Variants in RORA observed in about 807,000 individuals in gnomAD.
The protein encoded by RORA is RAR related orphan receptor A.
Under a neutral mutation model 69.5 loss-of-function variants are expected in RORA, and 7 were observed. The ratio of observed to expected loss-of-function variants is 0.10; its 90% CI spans 0.06 to 0.19. The LOEUF (loss-of-function observed/expected upper bound fraction) is 0.19. RORA is among the 10% of genes least tolerant of loss of function. RORA has a pLI of 1.00. For missense variants in RORA, 457 were observed against 663.0 expected (o/e 0.69, Z 3.41); for synonymous variants, 261 against 240.8 (o/e 1.08, Z -0.78).
At chr15:60,918,792 G>C (rs1462636281) in intron 1 of RORA, among the ~76,000 whole-genome samples, 9 of 152,154 alleles carry the variant, frequency 5.9e-5, no homozygotes, top group Non-Finnish European at 1.0e-4. Context: ...AGATGTGTGA[G>C]CTTGAGCAAA....
Position 61,049,483 on chromosome 15 carries a change from C to T in RORA, c.166+179570G>A, listed in dbSNP as rs576864364. On this transcript the variant is annotated intron_variant, in intron 1 of 10. Transcript: ENST00000335670. Reference sequence around the variant, plus strand: ...TGCAAAGATGCTACCATAAAAAATACAGTAGGTGGACTTTTGTGAGTCAAC... The same window carrying T: ...TGCAAAGATGCTACCATAAAAAATATAGTAGGTGGACTTTTGTGAGTCAAC... Among the ~76,000 whole-genome samples, 58 of 152,198 alleles carry T rather than the reference C, an allele frequency of 3.8e-4. 1 individual carries two copies. Among genetic ancestry groups the T allele is most frequent in the Non-Finnish European group, 6.6e-4 (45 of 68,004 alleles).
intron 1 of RORA, among the ~76,000 whole-genome samples, chr15:61,090,435 T>C (rs1331622433): frequency 1.3e-5 from 2 of 152,202 alleles, no homozygotes; most frequent in South Asian, 2.1e-4. Flanking sequence ...CCAGCCTCTA[T>C]TGGAGATCCC....
chr15:60,674,728 A>G (rs10519058), intron 2 of RORA, among the ~76,000 whole-genome samples: 29,316 of 152,188 alleles, frequency 0.19, 3,200 homozygotes, highest in African/African-American at 0.29. Context: ...ATTTCCGAAG[A>G]TTCAGAGGCG....
chr15:60,572,488 C>A (rs1276561551), intron 2 of RORA, among the ~76,000 whole-genome samples: 1 of 149,760 alleles, frequency 6.7e-6, no homozygotes, highest in Non-Finnish European at 1.5e-5. Context: ...GATCATCCGG[C>A]TTTTACCATT....
intron 1 of RORA, among the ~76,000 whole-genome samples, chr15:60,936,458 G>T (rs1163075235): frequency 6.6e-6 from 1 of 152,214 alleles, no homozygotes; most frequent in Non-Finnish European, 1.5e-5. Flanking sequence ...TTGCACACCT[G>T]TCACACCTTC....
chr15:60,955,528 T>A (rs1893241378), intron 1 of RORA, among the ~76,000 whole-genome samples: 1 of 152,214 alleles, frequency 6.6e-6, no homozygotes, highest in Admixed American at 6.5e-5. Context: ...TTCATGTCTT[T>A]AAAAATTCCT....
intron 1 of RORA, among the ~76,000 whole-genome samples, chr15:61,165,508 CT>C (rs2079533554): frequency 6.6e-6 from 1 of 152,168 alleles, no homozygotes. Flanking sequence ...AACTCTTTGT[CT>C]TTTTTCTGTA....
At chr15:60,946,153 G>C (rs1179408181) in intron 1 of RORA, among the ~76,000 whole-genome samples, 1 of 152,090 alleles carries the variant, frequency 6.6e-6, no homozygotes, top group East Asian at 1.9e-4. Flanking sequence ...ATTCCGCACA[G>C]CGTCCCCCAC....
intron 2 of RORA, among the ~76,000 whole-genome samples, chr15:60,611,299 T>C (rs1219558228): frequency 6.6e-6 from 1 of 151,910 alleles, no homozygotes; most frequent in Non-Finnish European, 1.5e-5. Context: ...ATATCTTCTG[T>C]CTCTAACCCT....
chr15:61,113,103 T>G (rs562364410), intron 1 of RORA, among the ~76,000 whole-genome samples: 2 of 152,358 alleles, frequency 1.3e-5, no homozygotes, highest in East Asian at 3.9e-4. Flanking sequence ...TGCTGGGCTG[T>G]GCTGCATCTG....
intron 2 of RORA, among the ~76,000 whole-genome samples, chr15:60,538,033 G>A (rs1159381627): frequency 3.9e-5 from 6 of 152,144 alleles, no homozygotes; most frequent in Non-Finnish European, 8.8e-5. Context: ...CCATTTTACA[G>A]ATACGGAAAA....
At chr15:61,145,050 G>A (rs559059094) in intron 1 of RORA, among the ~76,000 whole-genome samples, 257 of 152,152 alleles carry the variant, frequency 1.7e-3, no homozygotes, top group African/African-American at 5.9e-3. Context: ...TCTAAAAGAA[G>A]CCTTTTTTTG....
chr15:60,667,031 A>G (rs2070391665), intron 2 of RORA, among the ~76,000 whole-genome samples: 1 of 152,156 alleles, frequency 6.6e-6, no homozygotes, highest in Non-Finnish European at 1.5e-5. Context: ...TTTATTGTGC[A>G]GGAGCAGGAA....
At chr15:60,550,553 C>A (rs919847442) in intron 2 of RORA, among the ~76,000 whole-genome samples, 4 of 152,210 alleles carry the variant, frequency 2.6e-5, no homozygotes. Flanking sequence ...CAATCCTCCT[C>A]ACTTGGACAT....
chr15:60,813,396 T>C (rs1451691259), intron 1 of RORA, among the ~76,000 whole-genome samples: 1 of 152,178 alleles, frequency 6.6e-6, no homozygotes, highest in Non-Finnish European at 1.5e-5. Flanking sequence ...CTGTGTTTGC[T>C]CACGTCCCAC....
At chr15:61,165,963 A>G (rs948800355) in intron 1 of RORA, among the ~76,000 whole-genome samples, 4 of 152,254 alleles carry the variant, frequency 2.6e-5, no homozygotes, top group African/African-American at 9.6e-5. Flanking sequence ...CCAAGGCCAC[A>G]TAGACCTAAG....
rs2141211098 is a variant in RORA, at chr15:60,488,751, A to C, written c.*8704T>G. The stretch of plus-strand genomic sequence containing the variant: ...ACAGACAGCATATATTTATAGGTAC[A>C]GTATTACTGTTTCCAAACTTGCATG... On this transcript the variant is annotated 3_prime_UTR_variant, in exon 11 of 11. Coordinates refer to ENST00000335670, the MANE Select transcript of RORA (RefSeq NM_134261.3). The C allele has an allele frequency of 6.6e-6, 1 of 152,338 alleles. No homozygotes were observed. The highest frequency in any genetic ancestry group is 2.1e-4 in the South Asian group (1 of 4,830). 9.4% of individuals were successfully genotyped at this position (152,338 alleles called of 1,614,324 possible). A position where few individuals can be genotyped will look rare whatever the true frequency, so the allele number is the denominator to read the frequency against.
At chr15:60,963,576 T>C (rs1237034559) in intron 1 of RORA, among the ~76,000 whole-genome samples, 2 of 152,180 alleles carry the variant, frequency 1.3e-5, no homozygotes, top group Non-Finnish European at 2.9e-5. Context: ...AATAAAGAAA[T>C]TGCACTTATT....
chr15:61,214,658 G>C (rs2080021781), intron 1 of RORA, among the ~76,000 whole-genome samples: 1 of 152,100 alleles, frequency 6.6e-6, no homozygotes, highest in South Asian at 2.1e-4. Flanking sequence ...TGCTGTGGTG[G>C]CAGAATGCAG....
Sources: gnomAD v4.1 joint callset for allele counts (sites outside exome capture counted in the v4.1 genomes callset) on GRCh38, gnomAD v4.1.1 for gene constraint, MANE v1.5 for transcripts, NCBI Gene and HGNC (gene_info 2026-07-23, HGNC 2026-07-21) for gene names.